Variants in CCDC93 observed in about 807,000 individuals in gnomAD.
CCDC93 encodes the protein CCC complex scaffolding subunit CCDC93.
In CCDC93, 61 loss-of-function variants were observed where a neutral mutation model predicts 108.2. The ratio of observed to expected loss-of-function variants is 0.56; its 90% CI spans 0.46 to 0.70. The LOEUF (loss-of-function observed/expected upper bound fraction) is 0.70, where lower values mean the gene tolerates loss of function less well. Ranked by LOEUF, CCDC93 falls within the 30% of genes least tolerant of loss-of-function variation. The pLI is 0.00. For missense variants in CCDC93, 685 were observed against 764.2 expected (o/e 0.90, Z 1.22); for synonymous variants, 276 against 260.4 (o/e 1.06, Z -0.58).
intron 23 of CCDC93, among the ~76,000 whole-genome samples, chr2:117,923,156 G>A (rs1677938932): frequency 6.6e-6 from 1 of 152,184 alleles, no homozygotes; most frequent in Admixed American, 6.5e-5. Context: ...TGGCCGAATA[G>A]GAACAGCTCC....
intron 11 of CCDC93, among the ~76,000 whole-genome samples, chr2:117,960,166 T>C (rs1459288111): frequency 1.3e-5 from 2 of 152,258 alleles, no homozygotes. Context: ...GTCATAAGCA[T>C]ATTCTCAGAG....
At chr2:117,974,070 T>C in intron 10 of CCDC93, 76 bp from the exon 11 acceptor site, 1 of 927,186 alleles carries the variant, frequency 1.1e-6, no homozygotes, top group Non-Finnish European at 1.7e-6. Flanking sequence ...AACACTCTAT[T>C]ATGTCTGAAC....
intron 5 of CCDC93, 49 bp from the exon 6 acceptor site, chr2:117,995,551 A>G: frequency 7.5e-7 from 1 of 1,336,514 alleles, no homozygotes; most frequent in Non-Finnish European, 1.0e-6. Context: ...GAAAATTAAA[A>G]CTCAAGTGGA....
At position 118,004,500 on chromosome 2, in the gene CCDC93, C is replaced by G. The variant is rs561665935; in HGVS notation, c.251+2222G>C. On this transcript the variant is annotated intron_variant, in intron 3 of 23. Transcript: ENST00000376300. ...GTGTGCTCCTTGGACATACGTCCAG[C>G]CCACCCATTAAATTGACTAGATATA... Among the ~76,000 whole-genome samples the G allele has an allele frequency of 2.0e-5, 3 of 152,318 alleles. No individual in the cohort carries two copies. In the South Asian group the frequency reaches 6.2e-4, roughly 32 times the overall value.
intron 7 of CCDC93, among the ~76,000 whole-genome samples, chr2:117,981,648 C>G (rs1410592721): frequency 6.6e-6 from 1 of 152,198 alleles, no homozygotes; most frequent in Non-Finnish European, 1.5e-5. Context: ...GACACACATA[C>G]AATTTTTTAA....
Position 117,916,706 on chromosome 2 carries a change from CCT to C in CCDC93, c.*3635_*3636del, listed in dbSNP as rs1469536279. ...CTGGCGTGGAACATCCACGGTATTC[CCT>C]GTGTTGTCAAGTATGCTGCAGATCA... is the stretch of plus-strand genomic sequence containing the variant. On this transcript the variant is annotated 3_prime_UTR_variant, in exon 24 of 24. Transcript: ENST00000376300. 3 of 152,314 alleles carry C rather than the reference CCT, an allele frequency of 2.0e-5. No individual in the cohort carries two copies. The East Asian group carries it at 5.8e-4, about 29-fold the overall frequency. 9.4% of individuals were successfully genotyped at this position (152,314 alleles called of 1,614,324 possible).
At position 117,926,896 on chromosome 2, in the gene CCDC93, C is replaced by T. The variant is rs567609597; in HGVS notation, c.1842+4141G>A. ...TAAAATACTGGCAAACCGAATCCAG[C>T]AGCACATCAAAAAGCTTATCCACCA... On this transcript the variant is annotated intron_variant, in intron 23 of 23. Transcript: ENST00000376300. Among the ~76,000 whole-genome samples, 477 of 152,258 alleles carry T rather than the reference C, an allele frequency of 3.1e-3. 5 individuals carry two copies. Among genetic ancestry groups the T allele is most frequent in the African/African-American group, 0.011 (456 of 41,546 alleles).
At chr2:118,001,595 T>TAACACCTCGCCTCAGTCTTCCTCC (rs56711078) in intron 3 of CCDC93, among the ~76,000 whole-genome samples, 42,954 of 151,408 alleles carry the variant, frequency 0.28, 6,599 homozygotes, top group African/African-American at 0.38. Context: ...GACCTTTCTC[T>TAACACCTCGCCTCAGTCTTCCTCC]AACACCTCGC....
At chr2:117,954,894 T>G (rs192880252) in intron 12 of CCDC93, among the ~76,000 whole-genome samples, 1 of 151,104 alleles carries the variant, frequency 6.6e-6, no homozygotes, top group East Asian at 1.9e-4. Flanking sequence ...TTTCCCCTGC[T>G]TGTACTTCTC....
At chr2:117,967,558 T>C (rs1264295193) in intron 11 of CCDC93, among the ~76,000 whole-genome samples, 1 of 152,216 alleles carries the variant, frequency 6.6e-6, no homozygotes, top group Admixed American at 6.5e-5. Flanking sequence ...CAGCCAAGCC[T>C]GGAAGGCAGA....
chr2:117,918,041 GTC>G lies in CCDC93; in HGVS notation c.*2300_*2301del, dbSNP rs1677741358. 1 of 63,052 alleles carries G rather than the reference GTC, an allele frequency of 1.6e-5. No homozygotes were observed. The highest frequency in any genetic ancestry group is 9.0e-5 in the African/African-American group (1 of 11,064). The allele number at this position is 63,052 out of a possible 1,614,324, so 3.9% of individuals were successfully genotyped here. ...GGCTTAGAGCACAATTCCATACTATGTCTGTCTAAGCACACAGAGCCATAGCC... is the reference window on the plus strand; with the variant it reads ...GGCTTAGAGCACAATTCCATACTATGTGTCTAAGCACACAGAGCCATAGCC... On this transcript the variant is annotated 3_prime_UTR_variant, in exon 24 of 24. Coordinates refer to ENST00000376300, the MANE Select transcript of CCDC93 (RefSeq NM_019044.5).
intron 12 of CCDC93, among the ~76,000 whole-genome samples, chr2:117,953,687 AGAGGCTCAGTCTGGGCAACAAAGT>A (rs1201666494): frequency 3.3e-5 from 5 of 150,700 alleles, no homozygotes; most frequent in Non-Finnish European, 7.4e-5. Flanking sequence ...CCCTTATAAA[AGAGGCTCAGTCTGGGCAACAAAGT>A]GAGACTCTGC....
At chr2:117,996,560 T>C (rs1680657133) in intron 4 of CCDC93, 198 bp from the exon 5 acceptor site, 2 of 497,688 alleles carry the variant, frequency 4.0e-6, no homozygotes, top group Non-Finnish European at 7.3e-6. Flanking sequence ...CAATGGGACC[T>C]AGTGCTGAGT....
At position 117,915,549 on chromosome 2, in the gene CCDC93, C is replaced by T. The variant is rs1677651982; in HGVS notation, c.*4794G>A. On this transcript the variant is annotated 3_prime_UTR_variant, in exon 24 of 24. Coordinates refer to ENST00000376300, the MANE Select transcript of CCDC93 (RefSeq NM_019044.5). The stretch of plus-strand genomic sequence containing the variant: ...ATCAGAATTTTCTTCCATTTTGGTT[C>T]TATTAAGAAAAGTATACCAAATTAA... 6.6e-6 allele frequency: 1 copy of T among 152,104 alleles called. No homozygotes were observed. Among genetic ancestry groups the T allele is most frequent in the Non-Finnish European group, 1.5e-5 (1 of 68,018 alleles). The allele number at this position is 152,104 out of a possible 1,614,324, so 9.4% of individuals were successfully genotyped here.
At chr2:117,922,201 G>A (rs1677893496) in intron 23 of CCDC93, among the ~76,000 whole-genome samples, 1 of 152,090 alleles carries the variant, frequency 6.6e-6, no homozygotes, top group South Asian at 2.1e-4. Context: ...CTCTACCGTG[G>A]GGAACTGTGT....
At chr2:117,925,656 A>C (rs1402488148) in intron 23 of CCDC93, among the ~76,000 whole-genome samples, 4 of 152,138 alleles carry the variant, frequency 2.6e-5, no homozygotes, top group South Asian at 4.1e-4. Context: ...GACTTAGACT[A>C]CCACACAATA....
At chr2:118,013,405 A>G (rs1677072665) in intron 1 of CCDC93, among the ~76,000 whole-genome samples, 1 of 152,062 alleles carries the variant, frequency 6.6e-6, no homozygotes, top group African/African-American at 2.4e-5. Context: ...AAGTCTCCCA[A>G]ACTTCCTCCC....
chr2:118,012,644 G>A (rs1404282887), intron 1 of CCDC93: 1 of 152,164 alleles, frequency 6.6e-6, no homozygotes, highest in Non-Finnish European at 1.5e-5. Flanking sequence ...AACTTCAAAT[G>A]TCACAGTACA....
At chr2:117,930,586 C>T (rs1019590) in intron 23 of CCDC93, 53,000 of 152,808 alleles carry the variant, frequency 0.35, 9,715 homozygotes, top group Middle Eastern at 0.48. Context: ...TGCCAAAAAA[C>T]ACAGCTGGTA....
Sources: allele counts gnomAD v4.1 joint callset (sites outside exome capture counted in the v4.1 genomes callset), GRCh38; gene constraint gnomAD v4.1.1; transcripts MANE v1.5; gene names NCBI Gene and HGNC (gene_info 2026-07-23, HGNC 2026-07-21).